Variants in RXFP1 observed in about 807,000 individuals in gnomAD.
RXFP1 encodes the protein relaxin receptor 1.
In RXFP1, 73 loss-of-function variants were observed where a neutral mutation model predicts 89.8. The ratio of observed to expected loss-of-function variants is 0.81; its 90% CI spans 0.67 to 0.99. RXFP1 has a LOEUF of 0.99. Among genes scored for constraint, RXFP1 ranks in the 50% least tolerant of loss-of-function variants. The pLI is 0.00. For synonymous variants in RXFP1, 277 were observed against 305.5 expected, an observed-to-expected ratio of 0.91 and a Z score of 0.97; for missense variants, 793 against 895.5, an observed-to-expected ratio of 0.89 and a Z score of 1.46.
At chr4:158,628,605 G>A (rs1250310611) in intron 10 of RXFP1, 33 bp from the exon 11 acceptor site, 1 of 1,070,158 alleles carries the variant, frequency 9.3e-7, no homozygotes, top group South Asian at 1.3e-5. Context: ...GTTACCTAAA[G>A]AAGTTACAAT....
Position 158,639,191 on chromosome 4 carries a change from A to G in RXFP1, c.1044-69A>G, listed in dbSNP as rs185430806. 589 of 890,356 alleles carry G rather than the reference A, an allele frequency of 6.6e-4. 3 individuals carry two copies. The East Asian group carries it at 0.014, about 21-fold the overall frequency. 55.2% of individuals were successfully genotyped at this position (890,356 alleles called of 1,614,324 possible). On this transcript the variant is annotated intron_variant, in intron 13 of 17. Coordinates refer to ENST00000307765, the MANE Select transcript of RXFP1 (RefSeq NM_021634.4). ...AGCATTTTATTAAATTGTCCTTCAC[A>G]GAAACTCAATTTATTAAACCATGTA...
In RXFP1 at chr4:158,643,468, GT is replaced by G. The variant is rs59869659; in HGVS notation, c.1116-1422del. On this transcript the variant is annotated intron_variant, in intron 14 of 17. Coordinates refer to ENST00000307765, the MANE Select transcript of RXFP1 (RefSeq NM_021634.4). ...AATGGGATTCCTGGATCATATGCTAGTTTTTTTTTTTTTTTTTTTGGAGACA... is the reference window on the plus strand; with the variant it reads ...AATGGGATTCCTGGATCATATGCTAGTTTTTTTTTTTTTTTTTTGGAGACA... Among the ~76,000 whole-genome samples the G allele has an allele frequency of 8.8e-4, 99 of 112,828 alleles. 1 individual carries two copies. The highest frequency in any genetic ancestry group is 3.2e-3 in the African/African-American group (92 of 28,908). 74.0% of individuals were successfully genotyped at this position (112,828 alleles called of 152,430 possible). A position where few individuals can be genotyped will look rare whatever the true frequency, so the allele number is the denominator to read the frequency against.
intron 1 of RXFP1, among the ~76,000 whole-genome samples, chr4:158,553,926 A>G (rs1203045191): frequency 2.0e-5 from 3 of 152,168 alleles, no homozygotes; most frequent in African/African-American, 7.2e-5. Flanking sequence ...CCTACTGATT[A>G]TTCGCCAATG....
chr4:158,642,600 G>T (rs985617492), intron 14 of RXFP1, among the ~76,000 whole-genome samples: 1 of 152,108 alleles, frequency 6.6e-6, no homozygotes, highest in Non-Finnish European at 1.5e-5. Context: ...CCACCTAGTT[G>T]CCACAATGAC....
chr4:158,626,891 T>G lies in RXFP1; in HGVS notation c.827T>G (p.Leu276Ter), dbSNP rs759960315. 4 of 1,422,040 alleles carry G rather than the reference T, an allele frequency of 2.8e-6. No individual in the cohort carries two copies. The highest frequency in any genetic ancestry group is 1.4e-5 in the African/African-American group (1 of 69,874). 88.1% of individuals were successfully genotyped at this position (1,422,040 alleles called of 1,614,324 possible). ...ATTTCCTGCAGTAATTTAACTGTTT[T>G]GTAAGTAATATGCTATGCTTTTGAA... ...TFISCSNLTV[L>*]VMRKNKINHL... Residue 276 changes from leucine (L) to a stop codon, truncating the protein, a stop_gained and splice_region_variant, in exon 10 of 18, where the codon TTA becomes TGA. Coordinates refer to ENST00000307765, the MANE Select transcript of RXFP1 (RefSeq NM_021634.4). LOFTEE classifies it high-confidence loss of function.
At chr4:158,582,280 G>T (rs757404387) in intron 2 of RXFP1, among the ~76,000 whole-genome samples, 13 of 151,984 alleles carry the variant, frequency 8.6e-5, no homozygotes, top group Non-Finnish European at 1.9e-4. Context: ...CTGCTACAAG[G>T]GTCCATTCTT....
chr4:158,604,043 C>T (rs1386560835), intron 4 of RXFP1, among the ~76,000 whole-genome samples: 2 of 151,622 alleles, frequency 1.3e-5, no homozygotes, highest in African/African-American at 4.8e-5. Context: ...GACTTCTAGA[C>T]TCTAGAACAG....
chr4:158,597,262 CATT>C (rs1424700356), intron 3 of RXFP1, among the ~76,000 whole-genome samples: 4 of 152,082 alleles, frequency 2.6e-5, no homozygotes, highest in Middle Eastern at 3.4e-3. Context: ...GAGGAATTCA[CATT>C]ATTAAAGTCA....
intron 14 of RXFP1, 143 bp downstream of exon 14, chr4:158,639,474 T>G (rs1218891362): frequency 1.6e-6 from 1 of 609,458 alleles, no homozygotes; most frequent in Admixed American, 2.7e-5. Flanking sequence ...AATGTATATA[T>G]TGAAATACTA....
intron 1 of RXFP1, among the ~76,000 whole-genome samples, chr4:158,524,210 C>T (rs1226986027): frequency 1.3e-5 from 2 of 152,188 alleles, no homozygotes; most frequent in Non-Finnish European, 2.9e-5. Flanking sequence ...AAGACTCCAG[C>T]TAATAAATGC....
intron 1 of RXFP1, among the ~76,000 whole-genome samples, chr4:158,549,144 T>G (rs1224749353): frequency 6.6e-6 from 1 of 151,814 alleles, no homozygotes. Context: ...GAGGCTTTGT[T>G]CGTTTCTTTT....
chr4:158,646,611 C>G (rs1771593465), intron 15 of RXFP1, 180 bp from the exon 16 acceptor site: 1 of 1,402,296 alleles, frequency 7.1e-7, no homozygotes, highest in Non-Finnish European at 9.2e-7. Flanking sequence ...GAGTGGTTAC[C>G]AAAGAGAGTC....
chr4:158,645,840 T>G (rs1771438514), intron 15 of RXFP1, among the ~76,000 whole-genome samples: 1 of 152,188 alleles, frequency 6.6e-6, no homozygotes, highest in Non-Finnish European at 1.5e-5. Context: ...GTCCCCATCC[T>G]TATTCAAAGT....
intron 2 of RXFP1, among the ~76,000 whole-genome samples, chr4:158,589,070 C>A (rs533314728): frequency 6.6e-6 from 1 of 152,262 alleles, no homozygotes; most frequent in East Asian, 1.9e-4. Flanking sequence ...AACTTACAAT[C>A]GTGACCAAAG....
At chr4:158,560,771 A>C (rs1752266537) in intron 1 of RXFP1, among the ~76,000 whole-genome samples, 1 of 152,220 alleles carries the variant, frequency 6.6e-6, no homozygotes, top group African/African-American at 2.4e-5. Context: ...GGAAGACAAC[A>C]GCCCCATCCA....
intron 1 of RXFP1, among the ~76,000 whole-genome samples, chr4:158,563,793 CA>C (rs1166511361): frequency 6.0e-5 from 9 of 150,434 alleles, no homozygotes; most frequent in African/African-American, 1.5e-4. Context: ...ACAATGGAGC[CA>C]AAAAATTCCT....
At chr4:158,568,889 T>C (rs1754431425) in intron 1 of RXFP1, among the ~76,000 whole-genome samples, 2 of 152,216 alleles carry the variant, frequency 1.3e-5, no homozygotes, top group African/African-American at 4.8e-5. Flanking sequence ...CCCAAATACA[T>C]TTTTACATAA....
chr4:158,649,462 C>G (rs1277022604), intron 17 of RXFP1, among the ~76,000 whole-genome samples: 1 of 151,798 alleles, frequency 6.6e-6, no homozygotes, highest in Non-Finnish European at 1.5e-5. Flanking sequence ...TTAGAAAGAA[C>G]GTTGGCTGGC....
At chr4:158,566,777 G>A (rs947284124) in intron 1 of RXFP1, among the ~76,000 whole-genome samples, 10 of 152,372 alleles carry the variant, frequency 6.6e-5, no homozygotes, top group South Asian at 2.1e-4. Flanking sequence ...AGGTGACAGC[G>A]TGCTGGCAGC....
Sources: allele counts gnomAD v4.1 joint callset (sites outside exome capture counted in the v4.1 genomes callset), GRCh38; gene constraint gnomAD v4.1.1; transcripts MANE v1.5; gene names NCBI Gene and HGNC (gene_info 2026-07-23, HGNC 2026-07-21).